Variants in HOMEZ observed in about 807,000 individuals in gnomAD.
The protein encoded by HOMEZ is homeobox and leucine zipper protein Homez.
In HOMEZ, 20 loss-of-function variants were observed where a neutral mutation model predicts 50.1. That is an observed-to-expected ratio of 0.40 (90% confidence interval 0.28 to 0.58). The LOEUF is 0.58. Among genes scored for constraint, HOMEZ ranks in the 20% least tolerant of loss-of-function variants. The pLI is 0.46. For synonymous variants in HOMEZ, 239 were observed against 254.7 expected (o/e 0.94, Z 0.59); for missense variants, 579 against 680.5 (o/e 0.85, Z 1.66).
In HOMEZ at chr14:23,286,103, C is replaced by T; in HGVS notation, c.-151G>A. On this transcript the variant is annotated 5_prime_UTR_variant, in exon 1 of 2. Coordinates refer to ENST00000357460, the MANE Select transcript of HOMEZ (RefSeq NM_020834.3). ...CGGGAGCGCGCCGGTCTACCCAGCCCTGCTCGAGCAAGTTGGAGGCGGGGC... is the reference window on the plus strand; with the variant it reads ...CGGGAGCGCGCCGGTCTACCCAGCCTTGCTCGAGCAAGTTGGAGGCGGGGC... 2 of 1,230,224 alleles carry T rather than the reference C, an allele frequency of 1.6e-6. No homozygotes were observed. The highest frequency in any genetic ancestry group is 8.3e-5 in the South Asian group (2 of 24,094). The allele number at this position is 1,230,224 out of a possible 1,614,324, so 76.2% of individuals were successfully genotyped here. A position where few individuals can be genotyped will look rare whatever the true frequency, so the allele number is the denominator to read the frequency against.
Position 23,277,084 on chromosome 14 carries a change from A to T in HOMEZ, c.144T>A (p.Ser48=), listed in dbSNP as rs1886381857. 1 of 1,613,892 alleles carries T rather than the reference A, an allele frequency of 6.2e-7. No homozygotes were observed. Among genetic ancestry groups the T allele is most frequent in the African/African-American group, 1.3e-5 (1 of 74,928 alleles). The change falls in exon 2 of 2, where the codon TCT becomes TCA. Residue 48 remains serine, a synonymous_variant. Coordinates refer to ENST00000357460, the MANE Select transcript of HOMEZ (RefSeq NM_020834.3). ...GCGTCCACACAAGCTGTAGCTCCTC[A>T]GAGATTGGAGGGAGGCAGATGAGCC... ...PAGLICLPPI[S]EELQLVWTQA...
chr14:23,275,617 T>TCA lies in HOMEZ; in HGVS notation c.1610_1611insTG (p.Glu537AspfsTer11), dbSNP rs1886330144. 10 of 1,396,650 alleles carry TCA rather than the reference T, an allele frequency of 7.2e-6. No individual in the cohort carries two copies. Among genetic ancestry groups the TCA allele is most frequent in the Admixed American group, 4.2e-5 (2 of 48,052 alleles). 86.5% of individuals were successfully genotyped at this position (1,396,650 alleles called of 1,614,324 possible). On this transcript the variant is annotated frameshift_variant, in exon 2 of 2. Transcript: ENST00000357460. LOFTEE classifies it high-confidence loss of function. ...CATCATCATCATCATCATCATCATC[T>TCA]TCCTCCTCCTCCTCCTCCTCTTCCT...
intron 1 of HOMEZ, among the ~76,000 whole-genome samples, chr14:23,277,410 G>A (rs767018288): frequency 1.3e-4 from 20 of 152,114 alleles, no homozygotes; most frequent in African/African-American, 3.9e-4. Flanking sequence ...GTCCATAGAC[G>A]TTAAATTACC....
chr14:23,277,264 G>C, intron 1 of HOMEZ, 77 bp from the exon 2 acceptor site: 1 of 1,290,916 alleles, frequency 7.7e-7, no homozygotes, highest in Non-Finnish European at 1.0e-6. Flanking sequence ...CAAACTAACT[G>C]CTGGACACCA....
At chr14:23,277,253 C>G (rs1594963022) in intron 1 of HOMEZ, 66 bp from the exon 2 acceptor site, 2 of 1,382,692 alleles carry the variant, frequency 1.4e-6, no homozygotes, top group East Asian at 5.0e-5. Context: ...TCAATTTCTA[C>G]CAAACTAACT....
At position 23,274,778 on chromosome 14, in the gene HOMEZ, T is replaced by G. The variant is rs962614471; in HGVS notation, c.*797A>C. On this transcript the variant is annotated 3_prime_UTR_variant, in exon 2 of 2. Coordinates refer to ENST00000357460, the MANE Select transcript of HOMEZ (RefSeq NM_020834.3). ...AAAAGTAGCCGGGTGTGGTGGCAGGTGCCTGTAGTCCCAGCTACTCGGGAG... is the reference window on the plus strand; with the variant it reads ...AAAAGTAGCCGGGTGTGGTGGCAGGGGCCTGTAGTCCCAGCTACTCGGGAG... 3.9e-5 allele frequency: 6 copies of G among 152,108 alleles called. No homozygotes were observed. Among genetic ancestry groups the G allele is most frequent in the Admixed American group, 1.3e-4 (2 of 15,250 alleles). 9.4% of individuals were successfully genotyped at this position (152,108 alleles called of 1,614,324 possible). A position where few individuals can be genotyped will look rare whatever the true frequency, so the allele number is the denominator to read the frequency against.
Position 23,275,962 on chromosome 14 carries a change from G to C in HOMEZ, c.1266C>G (p.Asn422Lys). 3 of 1,612,806 alleles carry C rather than the reference G, an allele frequency of 1.9e-6. No individual in the cohort carries two copies. Among genetic ancestry groups the C allele is most frequent in the Non-Finnish European group, 2.5e-6 (3 of 1,179,370 alleles). Reference protein sequence around the residue: ...KHGQLKWFRDNAVPGAPSFQD... With the variant: ...KHGQLKWFRDKAVPGAPSFQD... ...GGAAACTAGGGGCACCAGGTACTGC[G>C]TTGTCCCGAAACCACTTTAGTTGCC... The change falls in exon 2 of 2, where the codon AAC becomes AAG. Residue 422 changes from asparagine to lysine, a missense_variant. Transcript: ENST00000357460.
chr14:23,281,943 G>A (rs1886567314), intron 1 of HOMEZ, among the ~76,000 whole-genome samples: 1 of 151,864 alleles, frequency 6.6e-6, no homozygotes, highest in African/African-American at 2.4e-5. Context: ...GCAGTGAGTC[G>A]AGATTGTGCA....
Position 23,277,134 on chromosome 14 carries a change from T to G in HOMEZ, c.94A>C (p.Ser32Arg). The change falls in exon 2 of 2, where the codon AGC (serine) becomes CGC (arginine). Residue 32 changes from serine (S) to arginine (R), a missense_variant. Ser to Arg is a moderately radical substitution (Grantham distance 110, BLOSUM62 -1). Coordinates refer to ENST00000357460, the MANE Select transcript of HOMEZ (RefSeq NM_020834.3). ...CCCGCTGGTGAACTACTGAGACCGC[T>G]GGCCTCTTTATTAGGAGGCATGGTG... is the stretch of plus-strand genomic sequence containing the variant. ...EGTMPPNKEA[S>R]GLSSSPAGLI... is the part of the protein sequence containing the mutation. 1 of 1,612,240 alleles carries G rather than the reference T, an allele frequency of 6.2e-7. No individual in the cohort carries two copies. Among genetic ancestry groups the G allele is most frequent in the South Asian group, 1.1e-5 (1 of 90,942 alleles).
chr14:23,280,733 TTATTTTATTA>T (rs1886513048), intron 1 of HOMEZ, among the ~76,000 whole-genome samples: 1 of 69,868 alleles, frequency 1.4e-5, no homozygotes, highest in African/African-American at 6.1e-5. Context: ...TTATTTTATT[TTATTTTATTA>T]TTTTATTTTA....
At position 23,275,007 on chromosome 14, in the gene HOMEZ, T is replaced by C. The variant is rs1277663728; in HGVS notation, c.*568A>G. On this transcript the variant is annotated 3_prime_UTR_variant, in exon 2 of 2. Coordinates refer to ENST00000357460, the MANE Select transcript of HOMEZ (RefSeq NM_020834.3). ...TATGAGGAAAAGGAAATATTAATAT[T>C]TGTGATGAGACTGGGACTTATTGAG... 1 of 152,200 alleles carries C rather than the reference T, an allele frequency of 6.6e-6. No individual in the cohort carries two copies. The highest frequency in any genetic ancestry group is 2.4e-5 in the African/African-American group (1 of 41,412). 9.4% of individuals were successfully genotyped at this position (152,200 alleles called of 1,614,324 possible).
chr14:23,285,675 C>T (rs1594967613), intron 1 of HOMEZ: 2 of 393,922 alleles, frequency 5.1e-6, no homozygotes, highest in Middle Eastern at 4.1e-4. Context: ...AGGCGAATCT[C>T]AATCCTACTC....
rs1886363894 is a variant in HOMEZ, at chr14:23,276,509, G to C, written c.719C>G (p.Ser240Ter). 6.2e-7 allele frequency: 1 copy of C among 1,613,922 alleles called. No homozygotes were observed. Among genetic ancestry groups the C allele is most frequent in the Admixed American group, 1.7e-5 (1 of 60,006 alleles). ...KEQAGRGPNQ[S>*]HGIGTASWNH... ...CCAGGAAGCAGTACCTATGCCATGT[G>C]ACTGGTTGGGACCCCTGCCTGCCTG... Residue 240 changes from serine (S) to a stop codon, truncating the protein, a stop_gained, in exon 2 of 2, where the codon TCA becomes TGA. Transcript: ENST00000357460. LOFTEE classifies it high-confidence loss of function. This position sits in a 1 kb window ranked among gnomAD's most constrained non-coding sequence, Gnocchi z 4.1.
At chr14:23,281,320 C>G (rs577098072) in intron 1 of HOMEZ, among the ~76,000 whole-genome samples, 13 of 152,182 alleles carry the variant, frequency 8.5e-5, no homozygotes, top group African/African-American at 3.1e-4. Context: ...TTGAAGAGCC[C>G]CTTAAGAGGG....
At position 23,275,839 on chromosome 14, in the gene HOMEZ, T is replaced by C; in HGVS notation, c.1389A>G (p.Ile463Met). The C allele has an allele frequency of 1.2e-6, 2 of 1,600,682 alleles. No individual in the cohort carries two copies. The highest frequency in any genetic ancestry group is 1.7e-6 in the Non-Finnish European group (2 of 1,172,332). The part of the protein sequence containing the change: ...PLPIPPPPPD[I>M]QPLERYWAAH... ...CTGCCCAGTACCTCTCCAAGGGTTG[T>C]ATATCCGGTGGGGGTGGAGGGATCG... Residue 463 changes from isoleucine to methionine, a missense_variant, in exon 2 of 2, where the codon ATA becomes ATG. Transcript: ENST00000357460.
intron 1 of HOMEZ, among the ~76,000 whole-genome samples, chr14:23,280,813 C>T (rs923385857): frequency 3.8e-4 from 47 of 124,960 alleles, no homozygotes; most frequent in African/African-American, 1.2e-3. Flanking sequence ...CTTGCTCTGT[C>T]GCCAGGCTGG....
At chr14:23,283,726 C>T (rs1370393850) in intron 1 of HOMEZ, among the ~76,000 whole-genome samples, 3 of 152,148 alleles carry the variant, frequency 2.0e-5, no homozygotes, top group Non-Finnish European at 4.4e-5. Context: ...GAAACCCCGT[C>T]TCTACCAAAA....
Position 23,272,969 on chromosome 14 carries a change from C to G in HOMEZ, c.*2606G>C. The G allele has an allele frequency of 2.6e-6, 2 of 769,354 alleles. No individual in the cohort carries two copies. The highest frequency in any genetic ancestry group is 3.8e-5 in the South Asian group (2 of 53,238). 47.7% of individuals were successfully genotyped at this position (769,354 alleles called of 1,614,324 possible). ...CCAGTACGCATTAGGGGTGATGGCCCTGGAAAATGTATCCCTGCATTGTTT... is the reference window on the plus strand; with the variant it reads ...CCAGTACGCATTAGGGGTGATGGCCGTGGAAAATGTATCCCTGCATTGTTT... On this transcript the variant is annotated 3_prime_UTR_variant, in exon 2 of 2. Transcript: ENST00000357460.
At chr14:23,280,713 T>TATTTTA (rs1353728239) in intron 1 of HOMEZ, among the ~76,000 whole-genome samples, 1 of 57,414 alleles carries the variant, frequency 1.7e-5, no homozygotes, top group African/African-American at 7.4e-5. Context: ...ATTTTTATTT[T>TATTTTA]TATTTTATTT....
Sources: gnomAD v4.1 joint callset for allele counts (sites outside exome capture counted in the v4.1 genomes callset) on GRCh38, gnomAD v4.1.1 for gene constraint, Gnocchi (gnomAD v3.1) non-coding constraint, MANE v1.5 for transcripts, NCBI Gene and HGNC (gene_info 2026-07-23, HGNC 2026-07-21) for gene names.